The following ATR variants were observed in gnomAD, a reference collection of about 807,000 sequenced individuals.
ATR encodes the protein serine/threonine-protein kinase ATR.
A neutral mutation model predicts 305.3 loss-of-function variants in ATR; 142 were observed. The observed-to-expected ratio is 0.47, with a 90% CI of 0.41 to 0.53. The LOEUF (loss-of-function observed/expected upper bound fraction) is 0.53. ATR is among the 20% of genes least tolerant of loss of function. The pLI, the probability that ATR is intolerant of heterozygous loss-of-function variation, is 0.00. For synonymous variants in ATR, 1,050 were observed against 1,068.1 expected, an observed-to-expected ratio of 0.98 and a Z score of 0.33; for missense variants, 2,135 against 3,133.1, an observed-to-expected ratio of 0.68 and a Z score of 7.60.
At chr3:142,506,863 GAA>G (rs2108359372) in intron 28 of ATR, among the ~76,000 whole-genome samples, 1 of 152,274 alleles carries the variant, frequency 6.6e-6, no homozygotes, top group East Asian at 1.9e-4. Flanking sequence ...CCTTACTAGA[GAA>G]ACACAGCCAG....
Position 142,449,236 on chromosome 3 carries a change from G to A in ATR, c.*193C>T, listed in dbSNP as rs1268220927. 1 of 574,962 alleles carries A rather than the reference G, an allele frequency of 1.7e-6. No individual in the cohort carries two copies. The highest frequency in any genetic ancestry group is 2.3e-5 in the South Asian group (1 of 44,194). The allele number at this position is 574,962 out of a possible 1,614,324, so 35.6% of individuals were successfully genotyped here. A position where few individuals can be genotyped will look rare whatever the true frequency, so the allele number is the denominator to read the frequency against. On this transcript the variant is annotated 3_prime_UTR_variant, in exon 47 of 47. Transcript: ENST00000350721. ...TTTCTCCAATTATAATGCACAGTAT[G>A]TATTAAGAAAGCAGTTTATTTCTTA...
chr3:142,542,409 T>C (rs1408175119), intron 17 of ATR, among the ~76,000 whole-genome samples: 1 of 152,186 alleles, frequency 6.6e-6, no homozygotes, highest in Non-Finnish European at 1.5e-5. Flanking sequence ...AGCTACATCA[T>C]CCTTACGCTT....
intron 41 of ATR, among the ~76,000 whole-genome samples, chr3:142,464,646 T>G (rs553134274): frequency 6.6e-6 from 1 of 152,194 alleles, no homozygotes. Context: ...ACTGCACTTA[T>G]ATGAGGTACC....
intron 46 of ATR, chr3:142,450,123 C>T (rs1413820838): frequency 2.4e-5 from 8 of 331,798 alleles, no homozygotes; most frequent in Non-Finnish European, 3.4e-5. Flanking sequence ...CTGCAGCCCA[C>T]GAGCACAAAG....
intron 23 of ATR, among the ~76,000 whole-genome samples, chr3:142,520,317 T>C (rs1347962371): frequency 6.6e-6 from 1 of 152,018 alleles, no homozygotes; most frequent in African/African-American, 2.4e-5. Flanking sequence ...CCTCTAAGTA[T>C]ACATATGAAA....
chr3:142,512,522 T>C (rs1369372423), intron 26 of ATR, 52 bp from the exon 27 acceptor site: 1 of 1,394,288 alleles, frequency 7.2e-7, no homozygotes, highest in Admixed American at 2.1e-5. Context: ...ACCATTTAAC[T>C]ATTATATGAC....
chr3:142,493,420 G>T, intron 34 of ATR, 109 bp from the exon 35 acceptor site: 1 of 1,250,878 alleles, frequency 8.0e-7, no homozygotes, highest in Non-Finnish European at 1.1e-6. Context: ...GTAATTTCAT[G>T]TTTATCTTTT....
intron 1 of ATR, among the ~76,000 whole-genome samples, chr3:142,577,640 A>T (rs1054139380): frequency 6.6e-6 from 1 of 152,268 alleles, no homozygotes. Flanking sequence ...CGCTGCAAAA[A>T]GAAAGAGAAG....
intron 42 of ATR, 87 bp from the exon 43 acceptor site, chr3:142,459,470 T>C (rs2070979192): frequency 7.1e-7 from 1 of 1,412,266 alleles, no homozygotes; most frequent in African/African-American, 1.4e-5. Flanking sequence ...ACAAGAAACA[T>C]CTACTTTTAT....
chr3:142,523,265 C>T (rs1417270378), intron 22 of ATR, among the ~76,000 whole-genome samples: 1 of 151,970 alleles, frequency 6.6e-6, no homozygotes, highest in Non-Finnish European at 1.5e-5. Context: ...ACTAAAAATA[C>T]AAAAATTAGC....
intron 21 of ATR, 119 bp downstream of exon 21, chr3:142,534,961 G>T: frequency 8.8e-7 from 1 of 1,137,370 alleles, no homozygotes; most frequent in Non-Finnish European, 1.2e-6. Flanking sequence ...TGATAATTCA[G>T]GTAAAATAAA....
At chr3:142,483,007 TTTC>T (rs2030635606) in intron 36 of ATR, among the ~76,000 whole-genome samples, 1 of 146,878 alleles carries the variant, frequency 6.8e-6, no homozygotes. Flanking sequence ...TTTTTCTTTC[TTTC>T]TTTTTTTTTT....
intron 3 of ATR, among the ~76,000 whole-genome samples, chr3:142,564,395 G>A (rs74710183): frequency 0.027 from 4,145 of 152,224 alleles, 172 homozygotes; most frequent in African/African-American, 0.095. Context: ...GTAATTTCAT[G>A]TATAAGGAGA....
At chr3:142,542,595 A>T in intron 17 of ATR, 70 bp downstream of exon 17, 1 of 1,290,408 alleles carries the variant, frequency 7.7e-7, no homozygotes, top group Non-Finnish European at 1.1e-6. Context: ...GAATGTTTGT[A>T]GCTAGATGCA....
At chr3:142,485,381 TTATC>T in intron 35 of ATR, 99 bp from the exon 36 acceptor site, 1 of 1,415,420 alleles carries the variant, frequency 7.1e-7, no homozygotes, top group Non-Finnish European at 9.7e-7. Flanking sequence ...TATGTGACCT[TTATC>T]TAGGCAGAGC....
At chr3:142,544,638 AAAAAT>A (rs1243324054) in intron 16 of ATR, among the ~76,000 whole-genome samples, 1 of 150,802 alleles carries the variant, frequency 6.6e-6, no homozygotes, top group Non-Finnish European at 1.5e-5. Flanking sequence ...AAAAAAAAAA[AAAAAT>A]GAGCTGGGAA....
chr3:142,510,531 C>T (rs942054781), intron 27 of ATR, among the ~76,000 whole-genome samples: 1 of 151,982 alleles, frequency 6.6e-6, no homozygotes, highest in Non-Finnish European at 1.5e-5. Context: ...AGCCACATTC[C>T]AGACAAAAAC....
intron 42 of ATR, 102 bp from the exon 43 acceptor site, chr3:142,459,485 ATTGTTATTG>A: frequency 7.6e-7 from 1 of 1,309,664 alleles, no homozygotes; most frequent in African/African-American, 1.5e-5. Context: ...TTTTATTCAA[ATTGTTATTG>A]AAAAACAAGA....
rs2108260667 is a variant in ATR, at chr3:142,459,104, T to C, written c.7357A>G (p.Ser2453Gly). Residue 2453 changes from serine to glycine, a missense_variant, in exon 44 of 47, where the codon AGT becomes GGT. Around this residue, in one of 9 missense-constraint regions of ATR, gnomAD observed 462 missense variants for 887.6 expected, o/e 0.52. Coordinates refer to ENST00000350721, the MANE Select transcript of ATR (RefSeq NM_001184.4). The part of the protein sequence containing the change: ...TFPDPTSWYS[S>G]RSAYCRSTAV... ...GTGGAACGGCAGTAAGCTGATCTAC[T>C]ACTGTACCTAAAAGAAACACAATGC... 2 of 1,614,008 alleles carry C rather than the reference T, an allele frequency of 1.2e-6. No homozygotes were observed. Among genetic ancestry groups the C allele is most frequent in the Non-Finnish European group, 1.7e-6 (2 of 1,179,888 alleles).
Sources: allele counts gnomAD v4.1 joint callset (sites outside exome capture counted in the v4.1 genomes callset), GRCh38; gene constraint gnomAD v4.1.1; regional missense constraint gnomAD v4.1.1; transcripts MANE v1.5; gene names NCBI Gene and HGNC (gene_info 2026-07-23, HGNC 2026-07-21).